Variants in ATXN7L1 observed in about 807,000 individuals in gnomAD.
ATXN7L1 encodes ataxin 7 like 1.
A neutral mutation model predicts 70.8 loss-of-function variants in ATXN7L1; 15 were observed. The observed-to-expected ratio is 0.21, with a 90% CI of 0.14 to 0.33. ATXN7L1 has a LOEUF of 0.33. ATXN7L1 is among the 10% of genes least tolerant of loss of function. ATXN7L1 has a pLI of 1.00. For synonymous variants in ATXN7L1, 440 were observed against 445.1 expected, an observed-to-expected ratio of 0.99 and a Z score of 0.14; for missense variants, 975 against 1,097.1, an observed-to-expected ratio of 0.89 and a Z score of 1.57.
At chr7:105,638,717 T>G in intron 6 of ATXN7L1, 108 bp from the exon 7 acceptor site, 1 of 1,386,328 alleles carries the variant, frequency 7.2e-7, no homozygotes, top group Non-Finnish European at 9.6e-7. Flanking sequence ...TAGAGGTGCT[T>G]GAAAAGTCAA....
intron 11 of ATXN7L1, among the ~76,000 whole-genome samples, chr7:105,608,502 T>A (rs890919161): frequency 2.0e-5 from 3 of 152,176 alleles, no homozygotes; most frequent in African/African-American, 7.2e-5. Context: ...GGCTGATTGC[T>A]GGCATTTTGG....
Position 105,758,937 on chromosome 7 carries a change from T to A in ATXN7L1, c.355+29667A>T, listed in dbSNP as rs139058544. 7.3e-3 allele frequency among the ~76,000 whole-genome samples: 1,111 copies of A among 152,226 alleles called. 8 individuals are homozygous for A. Among genetic ancestry groups the A allele is most frequent in the Admixed American group, 0.014 (218 of 15,298 alleles). On this transcript the variant is annotated intron_variant, in intron 3 of 11. Transcript: ENST00000419735. The stretch of plus-strand genomic sequence containing the variant: ...AGACAGGCACGATTCTGTCTTTACA[T>A]CTTGAGCCATCCCTGCGGAAGGGGG...
intron 7 of ATXN7L1, among the ~76,000 whole-genome samples, chr7:105,635,883 G>A (rs1486988905): frequency 6.7e-6 from 1 of 149,802 alleles, no homozygotes; most frequent in African/African-American, 2.5e-5. Context: ...AATCTGTGTA[G>A]ATGAAACATC....
intron 4 of ATXN7L1, among the ~76,000 whole-genome samples, chr7:105,664,344 C>T (rs1460526199): frequency 6.6e-6 from 1 of 151,410 alleles, no homozygotes; most frequent in East Asian, 1.9e-4. Flanking sequence ...TTCCCTGTTA[C>T]CCTTTTCTTA....
At chr7:105,761,699 G>A (rs1349317998) in intron 3 of ATXN7L1, among the ~76,000 whole-genome samples, 1 of 152,108 alleles carries the variant, frequency 6.6e-6, no homozygotes, top group Non-Finnish European at 1.5e-5. Flanking sequence ...GTTTCAGGGG[G>A]AATGGAATGG....
intron 4 of ATXN7L1, among the ~76,000 whole-genome samples, chr7:105,653,972 C>T (rs891228491): frequency 6.6e-6 from 1 of 152,190 alleles, no homozygotes; most frequent in Admixed American, 6.5e-5. Flanking sequence ...TTCTGCTGCA[C>T]TCATCATGTC....
At chr7:105,772,304 C>A (rs566139307) in intron 3 of ATXN7L1, among the ~76,000 whole-genome samples, 24 of 152,100 alleles carry the variant, frequency 1.6e-4, no homozygotes, top group African/African-American at 5.8e-4. Context: ...GAACTCCTGA[C>A]GTCAGGTGAT....
chr7:105,864,456 CAAAAAAAAAAAA>C (rs34739253), intron 2 of ATXN7L1, among the ~76,000 whole-genome samples: 6 of 41,062 alleles, frequency 1.5e-4, no homozygotes, highest in South Asian at 1.6e-3. Flanking sequence ...GGCCCTGTCT[CAAAAAAAAAAAA>C]AAAAAAAAAA....
At chr7:105,727,357 G>A (rs1795931235) in intron 3 of ATXN7L1, among the ~76,000 whole-genome samples, 1 of 152,000 alleles carries the variant, frequency 6.6e-6, no homozygotes, top group Admixed American at 6.6e-5. Context: ...ACTTATATAT[G>A]GTACCGTTTA....
chr7:105,756,748 T>C (rs1274600225), intron 3 of ATXN7L1, among the ~76,000 whole-genome samples: 1 of 152,206 alleles, frequency 6.6e-6, no homozygotes, highest in African/African-American at 2.4e-5. Context: ...ACATAATTAT[T>C]AGTATTTTCA....
At chr7:105,731,019 A>G (rs902497878) in intron 3 of ATXN7L1, among the ~76,000 whole-genome samples, 1 of 152,200 alleles carries the variant, frequency 6.6e-6, no homozygotes, top group Non-Finnish European at 1.5e-5. Context: ...AAATGCTTCC[A>G]AATCTGCAAC....
intron 2 of ATXN7L1, among the ~76,000 whole-genome samples, chr7:105,869,824 A>C (rs1385817088): frequency 6.6e-6 from 1 of 152,218 alleles, no homozygotes; most frequent in Non-Finnish European, 1.5e-5. Flanking sequence ...CAGTGATAAA[A>C]TAAAACAACT....
intron 10 of ATXN7L1, 155 bp downstream of exon 10, chr7:105,613,707 T>C (rs775322402): frequency 1.3e-6 from 2 of 1,489,552 alleles, no homozygotes; most frequent in Non-Finnish European, 1.8e-6. Flanking sequence ...TTCAGTAAAG[T>C]GCTCTCAAAG....
chr7:105,873,417 T>C (rs1207801833), intron 2 of ATXN7L1, among the ~76,000 whole-genome samples: 1 of 152,208 alleles, frequency 6.6e-6, no homozygotes, highest in Non-Finnish European at 1.5e-5. Flanking sequence ...GTCCCAGGAC[T>C]TTGTTGATCA....
intron 3 of ATXN7L1, among the ~76,000 whole-genome samples, chr7:105,774,776 G>A (rs544374765): frequency 6.6e-6 from 1 of 152,250 alleles, no homozygotes; most frequent in Admixed American, 6.5e-5. Context: ...GATTACATAT[G>A]GGGTGGAGGC....
chr7:105,819,908 G>A (rs1330438350), intron 2 of ATXN7L1: 2 of 534,438 alleles, frequency 3.7e-6, no homozygotes, highest in African/African-American at 1.9e-5. Context: ...TACGTGGGGC[G>A]CCTGGCTCAC....
At chr7:105,865,200 C>A (rs1162045084) in intron 2 of ATXN7L1, among the ~76,000 whole-genome samples, 1 of 152,162 alleles carries the variant, frequency 6.6e-6, no homozygotes, top group Non-Finnish European at 1.5e-5. Flanking sequence ...TACCAGATAG[C>A]ATCTCATTTA....
rs1442228347 is a variant in ATXN7L1, at chr7:105,606,486, C to T, written c.*1366G>A. ...AAAACCTCCCAGTATCTTTGCTATACATCATATACAAAGTTACATGATTAA... is the reference window on the plus strand; with the variant it reads ...AAAACCTCCCAGTATCTTTGCTATATATCATATACAAAGTTACATGATTAA... On this transcript the variant is annotated 3_prime_UTR_variant, in exon 12 of 12. Transcript: ENST00000419735. The T allele has an allele frequency of 6.6e-6, 1 of 152,220 alleles. No homozygotes were observed. Among genetic ancestry groups the T allele is most frequent in the Non-Finnish European group, 1.5e-5 (1 of 68,050 alleles). 9.4% of individuals were successfully genotyped at this position (152,220 alleles called of 1,614,324 possible). A position where few individuals can be genotyped will look rare whatever the true frequency, so the allele number is the denominator to read the frequency against.
At chr7:105,711,441 A>G (rs191525257) in intron 3 of ATXN7L1, among the ~76,000 whole-genome samples, 59 of 152,360 alleles carry the variant, frequency 3.9e-4, no homozygotes, top group African/African-American at 1.4e-3. Flanking sequence ...GTAAAATCAG[A>G]AACAAGTTAG....
Sources: allele counts gnomAD v4.1 joint callset (sites outside exome capture counted in the v4.1 genomes callset), GRCh38; gene constraint gnomAD v4.1.1; transcripts MANE v1.5; gene names NCBI Gene and HGNC (gene_info 2026-07-23, HGNC 2026-07-21).